The following DDX31 variants were observed in gnomAD, a reference collection of about 807,000 sequenced individuals.
DDX31 encodes the protein ATP-dependent DNA helicase DDX31.
In DDX31, 70 loss-of-function variants were observed where a neutral mutation model predicts 91.3. That is an observed-to-expected ratio of 0.77 (90% confidence interval 0.63 to 0.94). The LOEUF (loss-of-function observed/expected upper bound fraction) is 0.94, where lower values mean the gene tolerates loss of function less well. Among genes scored for constraint, DDX31 ranks in the 40% least tolerant of loss-of-function variants. The probability of loss-of-function intolerance (pLI) is 0.00; values close to 1 mark genes in which losing one functional copy is unlikely to be tolerated. For synonymous variants in DDX31, 362 were observed against 350.6 expected, an observed-to-expected ratio of 1.03 and a Z score of -0.36; for missense variants, 902 against 925.0, an observed-to-expected ratio of 0.98 and a Z score of 0.32.
chr9:132,596,253 G>A (rs1830427588), intron 19 of DDX31, among the ~76,000 whole-genome samples: 1 of 152,230 alleles, frequency 6.6e-6, no homozygotes, highest in African/African-American at 2.4e-5. Flanking sequence ...CTAATAGTGT[G>A]TTGTTAACCT....
intron 13 of DDX31, among the ~76,000 whole-genome samples, chr9:132,645,255 T>G (rs892372592): frequency 6.6e-6 from 1 of 151,922 alleles, no homozygotes; most frequent in South Asian, 2.1e-4. Flanking sequence ...TAGTTAAGAG[T>G]GGAGGAATGC....
intron 19 of DDX31, among the ~76,000 whole-genome samples, chr9:132,596,552 A>C (rs1223908341): frequency 2.0e-5 from 3 of 152,218 alleles, no homozygotes; most frequent in African/African-American, 7.2e-5. Context: ...GTGGGAAATG[A>C]TTCACATACA....
intron 14 of DDX31, among the ~76,000 whole-genome samples, chr9:132,632,385 A>T (rs1333703335): frequency 1.3e-5 from 2 of 151,844 alleles, no homozygotes; most frequent in East Asian, 3.9e-4. Flanking sequence ...ATTCTACAGA[A>T]CCCATTGATG....
At chr9:132,639,440 G>A (rs1833348152) in intron 14 of DDX31, among the ~76,000 whole-genome samples, 1 of 152,208 alleles carries the variant, frequency 6.6e-6, no homozygotes, top group African/African-American at 2.4e-5. Context: ...GAGAAATCAG[G>A]CTGTGGGCGA....
Position 132,659,792 on chromosome 9 carries a change from G to GA in DDX31, c.453-13dup. On this transcript the variant is annotated splice_polypyrimidine_tract_variant and intron_variant, in intron 4 of 19. Coordinates refer to ENST00000372159, the MANE Select transcript of DDX31 (RefSeq NM_022779.9). ...TTTGCTTCTGAACACTGGGCCACCC[G>GA]AAAAAAAGAACACACTTTACCTATA... is the stretch of plus-strand genomic sequence containing the variant. The GA allele has an allele frequency of 6.2e-7, 1 of 1,611,264 alleles. No individual in the cohort carries two copies. The highest frequency in any genetic ancestry group is 8.5e-7 in the Non-Finnish European group (1 of 1,178,596).
chr9:132,614,022 C>A (rs1831495752), intron 18 of DDX31, among the ~76,000 whole-genome samples: 2 of 152,332 alleles, frequency 1.3e-5, no homozygotes, highest in African/African-American at 4.8e-5. Context: ...GAGGCAAGCA[C>A]TGAATGCCAG....
rs772558642 is a variant in DDX31, at chr9:132,650,214, A to G, written c.740+20T>C. 3.1e-6 allele frequency: 5 copies of G among 1,612,788 alleles called. 1 individual carries two copies. In the South Asian group the frequency reaches 5.5e-5, roughly 18 times the overall value. The stretch of plus-strand genomic sequence containing the variant: ...GGACACATTCAAGAAGGAAACAACA[A>G]CCAACAAACCTCTTCCTACCTGGCC... On this transcript the variant is annotated intron_variant, in intron 9 of 19. Coordinates refer to ENST00000372159, the MANE Select transcript of DDX31 (RefSeq NM_022779.9).
At chr9:132,598,256 T>C (rs1830544743) in intron 19 of DDX31, among the ~76,000 whole-genome samples, 1 of 152,174 alleles carries the variant, frequency 6.6e-6, no homozygotes, top group African/African-American at 2.4e-5. Flanking sequence ...GATGGGAAGA[T>C]GAAATGCTCT....
chr9:132,649,020 G>A (rs1238315699), intron 9 of DDX31, among the ~76,000 whole-genome samples: 4 of 152,066 alleles, frequency 2.6e-5, no homozygotes, highest in Admixed American at 1.3e-4. Context: ...TGTCCCATGG[G>A]TTATATACAA....
In DDX31 at chr9:132,662,518, C is replaced by T; in HGVS notation, c.253G>A (p.Asp85Asn). Residue 85 changes from aspartate (D) to asparagine (N), a missense_variant, in exon 2 of 20, where the codon GAT becomes AAT. Physicochemically the swap from Asp to Asn is conservative, Grantham distance 23. Transcript: ENST00000372159. ...SPKKHSVSTS[D>N]RNQEERQCIK... ...CACTGTCTCTCCTCCTGGTTTCTAT[C>T]ACTTGTGCTAACCGAATGCTTCTTT... The T allele has an allele frequency of 6.2e-7, 1 of 1,614,206 alleles. No individual in the cohort carries two copies. Among genetic ancestry groups the T allele is most frequent in the Non-Finnish European group, 8.5e-7 (1 of 1,180,044 alleles).
intron 19 of DDX31, among the ~76,000 whole-genome samples, chr9:132,606,794 T>C (rs948088869): frequency 6.6e-6 from 1 of 152,112 alleles, no homozygotes; most frequent in Non-Finnish European, 1.5e-5. Flanking sequence ...AGAGTCGGCA[T>C]GTAAGAAACC....
intron 14 of DDX31, among the ~76,000 whole-genome samples, chr9:132,633,695 G>T (rs116101795): frequency 6.6e-6 from 1 of 151,994 alleles, no homozygotes; most frequent in African/African-American, 2.4e-5. Context: ...AACAGTTATC[G>T]CCAGGGGAGG....
chr9:132,594,909 T>C lies in DDX31; in HGVS notation c.2198A>G (p.Gln733Arg). The C allele has an allele frequency of 8.1e-6, 13 of 1,614,134 alleles. No homozygotes were observed. The highest frequency in any genetic ancestry group is 5.5e-5 in the South Asian group (5 of 91,084). ...CTTGCTGTCCCGCTGTACACCTTTT[T>C]GGGTTTTTCTCCATTTTAATGTTTT... ...RGKTLKWRKT[Q>R]KGVQRDSKTS... is the part of the protein sequence containing the mutation. The change falls in exon 20 of 20, where the codon CAA becomes CGA. Residue 733 changes from glutamine to arginine, a missense_variant. By Grantham distance (43) the Gln-to-Arg change is conservative. Transcript: ENST00000372159.
chr9:132,639,691 C>T (rs1222041326), intron 14 of DDX31, among the ~76,000 whole-genome samples: 6 of 152,342 alleles, frequency 3.9e-5, no homozygotes, highest in African/African-American at 1.4e-4. Flanking sequence ...AACAACAGAA[C>T]TTCAGATACC....
intron 9 of DDX31, among the ~76,000 whole-genome samples, chr9:132,648,906 T>C (rs796790677): frequency 3.3e-5 from 5 of 152,348 alleles, no homozygotes; most frequent in African/African-American, 1.2e-4. Context: ...CCAGAGAATC[T>C]AGTATCTGAG....
At chr9:132,669,428 T>C in intron 1 of DDX31, 1 of 450,758 alleles carries the variant, frequency 2.2e-6, no homozygotes, top group African/African-American at 2.0e-5. Context: ...GAATTTATGG[T>C]TTGTAGGGCA....
chr9:132,647,203 C>A, intron 11 of DDX31, 145 bp from the exon 12 acceptor site: 1 of 686,222 alleles, frequency 1.5e-6, no homozygotes, highest in Non-Finnish European at 2.5e-6. Flanking sequence ...AGCACTGATC[C>A]GCCCTAGTGC....
chr9:132,638,308 A>G lies in DDX31; in HGVS notation c.1440+3696T>C, dbSNP rs537298676. On this transcript the variant is annotated intron_variant, in intron 14 of 19. Transcript: ENST00000372159. ...TGGTACTTCTTATCAACTCGTCAAC[A>G]TAATGATGGTATTAAAAGCAAGGTT... is the stretch of plus-strand genomic sequence containing the variant. The G allele has an allele frequency of 2.1e-5, 34 of 1,613,848 alleles. No homozygotes were observed. In the East Asian group the frequency reaches 4.5e-4, roughly 21 times the overall value.
At chr9:132,650,974 A>G (rs1476116837) in intron 8 of DDX31, 101 bp downstream of exon 8, 2 of 1,234,800 alleles carry the variant, frequency 1.6e-6, no homozygotes, top group Non-Finnish European at 2.3e-6. Flanking sequence ...GCAAAAGGAA[A>G]TAATTCTTAT....
Sources: gnomAD v4.1 joint callset for allele counts (sites outside exome capture counted in the v4.1 genomes callset) on GRCh38, gnomAD v4.1.1 for gene constraint, MANE v1.5 for transcripts, NCBI Gene and HGNC (gene_info 2026-07-23, HGNC 2026-07-21) for gene names.